Variants in B4GALT6 observed in about 807,000 individuals in gnomAD.
The protein encoded by B4GALT6 is UDP-Gal:beta-GlcNAc beta-1,4-galactosyltransferase 6.
Under a neutral mutation model 46.3 loss-of-function variants are expected in B4GALT6, and 14 were observed. That is an observed-to-expected ratio of 0.30 (90% CI 0.20 to 0.47). The LOEUF (loss-of-function observed/expected upper bound fraction) is 0.47, where lower values mean the gene tolerates loss of function less well. Among genes scored for constraint, B4GALT6 ranks in the 20% least tolerant of loss-of-function variants. The pLI is 0.99. For missense variants in B4GALT6, 386 were observed against 480.1 expected, an observed-to-expected ratio of 0.80 and a Z score of 1.83; for synonymous variants, 168 against 162.0, an observed-to-expected ratio of 1.04 and a Z score of -0.28.
At chr18:31,636,860 C>T (rs1036636759) in intron 5 of B4GALT6, among the ~76,000 whole-genome samples, 16 of 152,116 alleles carry the variant, frequency 1.1e-4, no homozygotes, top group African/African-American at 1.4e-4. Flanking sequence ...CTCGCTCTGC[C>T]GCCCAGGCTG....
the B4GALT6 span, among the ~76,000 whole-genome samples, chr18:31,696,736 C>T: frequency 6.6e-6 from 1 of 152,164 alleles, no homozygotes; most frequent in Non-Finnish European, 1.5e-5. Context: ...CTCTCTATGG[C>T]ATTTTAGATC....
At chr18:31,636,947 A>G (rs1269640816) in intron 5 of B4GALT6, among the ~76,000 whole-genome samples, 1 of 152,180 alleles carries the variant, frequency 6.6e-6, no homozygotes, top group Non-Finnish European at 1.5e-5. Flanking sequence ...CAGCTTCCCA[A>G]GTAGCTGGGA....
the B4GALT6 span, among the ~76,000 whole-genome samples, chr18:31,707,427 T>A: frequency 6.6e-6 from 1 of 152,126 alleles, no homozygotes; most frequent in Admixed American, 6.5e-5. Context: ...GGAAAGCTAG[T>A]CAACTGATCT....
At chr18:31,690,108 C>T (rs1225782309), upstream of B4GALT6, among the ~76,000 whole-genome samples, 2 of 152,152 alleles carry the variant, frequency 1.3e-5, no homozygotes, top group Admixed American at 6.5e-5. Flanking sequence ...TACCTTCAGT[C>T]ATTTAATGTT....
At chr18:31,651,759 GTTCTC>G (rs2074070945) in intron 3 of B4GALT6, among the ~76,000 whole-genome samples, 1 of 151,904 alleles carries the variant, frequency 6.6e-6, no homozygotes, top group Admixed American at 6.6e-5. Flanking sequence ...ATCCTTCCCA[GTTCTC>G]TTCTCTTCAT....
At chr18:31,680,939 C>T (rs766732104) in intron 1 of B4GALT6, among the ~76,000 whole-genome samples, 18 of 152,360 alleles carry the variant, frequency 1.2e-4, no homozygotes, top group Admixed American at 2.0e-4. Context: ...GATCCCTTTG[C>T]TCAGTCCAGA....
chr18:31,636,252 C>G (rs2073857261), intron 5 of B4GALT6, among the ~76,000 whole-genome samples: 1 of 152,006 alleles, frequency 6.6e-6, no homozygotes, highest in East Asian at 1.9e-4. Flanking sequence ...ACAAAAAGCC[C>G]AAGCTATAAA....
At chr18:31,722,630 T>G in the B4GALT6 span, among the ~76,000 whole-genome samples, 1 of 152,190 alleles carries the variant, frequency 6.6e-6, no homozygotes. Flanking sequence ...CAGCTTAGCC[T>G]AGGAGCACAG....
At position 31,622,472 on chromosome 18, in the gene B4GALT6, A is replaced by G. The variant is rs1226275464; in HGVS notation, c.*3142T>C. On this transcript the variant is annotated 3_prime_UTR_variant, in exon 9 of 9. Coordinates refer to ENST00000306851, the MANE Select transcript of B4GALT6 (RefSeq NM_004775.5). ...TCTCAACCGGCATACTTGCAAATAC[A>G]AGACAATAAATCTACAACAGTATGT... The G allele has an allele frequency of 2.0e-5, 3 of 152,096 alleles. No individual in the cohort carries two copies. The highest frequency in any genetic ancestry group is 2.1e-4 in the South Asian group (1 of 4,830). 9.4% of individuals were successfully genotyped at this position (152,096 alleles called of 1,614,324 possible).
the B4GALT6 span, among the ~76,000 whole-genome samples, chr18:31,703,659 G>A: frequency 2.0e-5 from 3 of 152,176 alleles, no homozygotes; most frequent in Admixed American, 1.3e-4. Context: ...ATTTGAGGTC[G>A]GAGGTTAAGC....
chr18:31,681,068 T>C (rs1439504122), intron 1 of B4GALT6, among the ~76,000 whole-genome samples: 4 of 151,948 alleles, frequency 2.6e-5, no homozygotes, highest in Non-Finnish European at 5.9e-5. Flanking sequence ...CTCAGCCCAT[T>C]GTACTATGAC....
chr18:31,667,712 C>T (rs1183961269), intron 1 of B4GALT6, among the ~76,000 whole-genome samples: 2 of 152,128 alleles, frequency 1.3e-5, no homozygotes, highest in Non-Finnish European at 2.9e-5. Flanking sequence ...TGTCTACAGG[C>T]TTTCTAGAAA....
chr18:31,674,217 A>G (rs2074389645), intron 1 of B4GALT6, among the ~76,000 whole-genome samples: 1 of 152,204 alleles, frequency 6.6e-6, no homozygotes, highest in Non-Finnish European at 1.5e-5. Flanking sequence ...AAACAAACTC[A>G]AAAGAAAGTT....
intron 5 of B4GALT6, among the ~76,000 whole-genome samples, chr18:31,636,967 C>A (rs1175567592): frequency 6.6e-6 from 1 of 152,138 alleles, no homozygotes; most frequent in Admixed American, 6.6e-5. Flanking sequence ...ATTACAGGTG[C>A]CTGCCACCAT....
the B4GALT6 span, among the ~76,000 whole-genome samples, chr18:31,706,737 C>A: frequency 6.6e-6 from 1 of 152,108 alleles, no homozygotes; most frequent in African/African-American, 2.4e-5. Flanking sequence ...CATTAATAAC[C>A]AGTAACAATG....
chr18:31,631,216 C>CT (rs1306858787), intron 5 of B4GALT6, 70 bp from the exon 6 acceptor site: 385 of 910,080 alleles, frequency 4.2e-4, no homozygotes, highest in Non-Finnish European at 4.7e-4. Context: ...TTTTTTTTTT[C>CT]TTTTTTTTGG....
chr18:31,684,298 G>C lies in B4GALT6; in HGVS notation c.115+14C>G, dbSNP rs753341941. Reference sequence around the variant, plus strand: ...GTGTGACCAGGGGAAGCGAGGGTGTGTCTCGGTGCTTACCGATGCCTGGGG... The same window carrying C: ...GTGTGACCAGGGGAAGCGAGGGTGTCTCTCGGTGCTTACCGATGCCTGGGG... On this transcript the variant is annotated intron_variant, in intron 1 of 8. Coordinates refer to ENST00000306851, the MANE Select transcript of B4GALT6 (RefSeq NM_004775.5). 6.2e-7 allele frequency: 1 copy of C among 1,613,024 alleles called. No individual in the cohort carries two copies. Among genetic ancestry groups the C allele is most frequent in the Non-Finnish European group, 8.5e-7 (1 of 1,179,460 alleles).
intron 3 of B4GALT6, among the ~76,000 whole-genome samples, chr18:31,652,375 T>C (rs2074082139): frequency 8.6e-6 from 1 of 115,708 alleles, no homozygotes; most frequent in Admixed American, 8.4e-5. Context: ...TGGAGGTGTG[T>C]GACAAGACAC....
intron 1 of B4GALT6, among the ~76,000 whole-genome samples, chr18:31,681,909 C>G (rs952482594): frequency 6.6e-6 from 1 of 152,042 alleles, no homozygotes; most frequent in African/African-American, 2.4e-5. Context: ...GTAATTCAGG[C>G]TAAAATATGA....
Sources: gnomAD v4.1 joint callset for allele counts (sites outside exome capture counted in the v4.1 genomes callset) on GRCh38, gnomAD v4.1.1 for gene constraint, MANE v1.5 for transcripts, NCBI Gene and HGNC (gene_info 2026-07-23, HGNC 2026-07-21) for gene names.